Variants in WNT9A observed in about 807,000 individuals in gnomAD.
WNT9A encodes the protein protein Wnt-9a.
In WNT9A, 8 loss-of-function variants were observed where a neutral mutation model predicts 31.4. The ratio of observed to expected loss-of-function variants is 0.26; its 90% CI spans 0.15 to 0.46. The LOEUF (loss-of-function observed/expected upper bound fraction) is 0.46. Among genes scored for constraint, WNT9A ranks in the 20% least tolerant of loss-of-function variants. The pLI is 0.99. For synonymous variants in WNT9A, 236 were observed against 220.1 expected (o/e 1.07, Z -0.64); for missense variants, 457 against 522.9 (o/e 0.87, Z 1.23).
At chr1:227,944,840 C>T (rs566312122) in intron 1 of WNT9A, among the ~76,000 whole-genome samples, 4 of 152,332 alleles carry the variant, frequency 2.6e-5, no homozygotes, top group African/African-American at 7.2e-5. Context: ...AGGGCCACCA[C>T]CACAAAACAG....
chr1:227,943,502 T>C (rs1572136797), intron 1 of WNT9A, among the ~76,000 whole-genome samples: 2 of 152,362 alleles, frequency 1.3e-5, no homozygotes, highest in East Asian at 1.9e-4. Context: ...TCAGCGCCAC[T>C]GGCCACCTGA....
intron 1 of WNT9A, among the ~76,000 whole-genome samples, chr1:227,940,702 A>C (rs952983894): frequency 1.3e-5 from 2 of 152,222 alleles, no homozygotes; most frequent in Admixed American, 6.5e-5. Context: ...GCTAAAAAAA[A>C]CAAATGCAGC....
At chr1:227,941,637 G>C (rs955277056) in intron 1 of WNT9A, 1 of 153,676 alleles carries the variant, frequency 6.5e-6, no homozygotes, top group Non-Finnish European at 1.5e-5. Context: ...CAGGGGAGAT[G>C]GCACCACTGT....
At position 227,923,602 on chromosome 1, in the gene WNT9A, C is replaced by T. The variant is rs537030159; in HGVS notation, c.615+536G>A. 3.3e-5 allele frequency among the ~76,000 whole-genome samples: 5 copies of T among 152,290 alleles called. No homozygotes were observed. The South Asian group carries it at 1.0e-3, about 32-fold the overall frequency. The stretch of plus-strand genomic sequence containing the variant: ...TTGGGATTCTGTCTCTCAGAACAGA[C>T]GCCTGGCCACGGAGAGGGCTGGTGG... On this transcript the variant is annotated intron_variant, in intron 3 of 3. Transcript: ENST00000272164.
intron 1 of WNT9A, among the ~76,000 whole-genome samples, chr1:227,937,996 TG>T (rs1666624366): frequency 6.6e-6 from 1 of 152,194 alleles, no homozygotes. Flanking sequence ...GGCTGTGCCC[TG>T]CCCTGGGGGC....
chr1:227,931,086 C>CCTTCCTTCCTTT (rs1459265566), intron 1 of WNT9A, among the ~76,000 whole-genome samples: 1 of 152,202 alleles, frequency 6.6e-6, no homozygotes, highest in East Asian at 1.9e-4. Flanking sequence ...TTCCTTCCTT[C>CCTTCCTTCCTTT]CTTCCTTCCT....
chr1:227,939,184 C>T (rs1439236607), intron 1 of WNT9A, among the ~76,000 whole-genome samples: 2 of 152,244 alleles, frequency 1.3e-5, no homozygotes, highest in East Asian at 1.9e-4. Context: ...CAGAACAGTT[C>T]CACGCTGCAG....
At chr1:227,930,180 C>T (rs549021911) in intron 1 of WNT9A, among the ~76,000 whole-genome samples, 3 of 152,186 alleles carry the variant, frequency 2.0e-5, no homozygotes, top group African/African-American at 4.8e-5. Flanking sequence ...CGGATCCACA[C>T]GCTCTGTGGC....
rs1572127506 is a variant in WNT9A, at chr1:227,928,322, T to C, written c.96-2803A>G. On this transcript the variant is annotated intron_variant, in intron 1 of 3. Coordinates refer to ENST00000272164, the MANE Select transcript of WNT9A (RefSeq NM_003395.4). This position sits in a 1 kb window ranked among gnomAD's most constrained non-coding sequence, Gnocchi z 4.5. ...CGCAGCTACGGGTGACTGACCCTGA[T>C]CCAAGGCCAGGCAGGGTGGGCAGGG... Among the ~76,000 whole-genome samples the C allele has an allele frequency of 7.6e-6, 1 of 131,244 alleles. No homozygotes were observed. The highest frequency in any genetic ancestry group is 2.8e-5 in the African/African-American group (1 of 35,606). 86.1% of individuals were successfully genotyped at this position (131,244 alleles called of 152,430 possible).
chr1:227,944,479 C>A (rs896498801), intron 1 of WNT9A, among the ~76,000 whole-genome samples: 1 of 152,182 alleles, frequency 6.6e-6, no homozygotes, highest in African/African-American at 2.4e-5. Flanking sequence ...CTCAAAATCA[C>A]GGGGCTGTAT....
chr1:227,934,169 G>A (rs1666553410), intron 1 of WNT9A, among the ~76,000 whole-genome samples: 1 of 152,146 alleles, frequency 6.6e-6, no homozygotes. Context: ...ATGTGTTTGT[G>A]TGGACATATG....
intron 1 of WNT9A, among the ~76,000 whole-genome samples, chr1:227,933,186 A>G (rs528197541): frequency 6.6e-6 from 1 of 152,318 alleles, no homozygotes; most frequent in South Asian, 2.1e-4. Context: ...GATCTGCTGG[A>G]GAGCTTGCTG....
At position 227,945,024 on chromosome 1, in the gene WNT9A, C is replaced by T. The variant is rs542042760; in HGVS notation, c.95+2769G>A. On this transcript the variant is annotated intron_variant, in intron 1 of 3. Coordinates refer to ENST00000272164, the MANE Select transcript of WNT9A (RefSeq NM_003395.4). ...ACAGCCCCCAGACCCAGGCCCAGCC[C>T]TGACTCCACATCCAGAGGGTCTGGG... Among the ~76,000 whole-genome samples, 34 of 152,360 alleles carry T rather than the reference C, an allele frequency of 2.2e-4. No individual in the cohort carries two copies. In the South Asian group the frequency reaches 6.8e-3, roughly 31 times the overall value.
chr1:227,928,143 G>A lies in WNT9A; in HGVS notation c.96-2624C>T, dbSNP rs890009875. The stretch of plus-strand genomic sequence containing the variant: ...ACGCCGGGGCACTGAGAGCTGGTTT[G>A]ACGGTGACTAGCTGAGTCCTCCAGC... On this transcript the variant is annotated intron_variant, in intron 1 of 3. Coordinates refer to ENST00000272164, the MANE Select transcript of WNT9A (RefSeq NM_003395.4). This position sits in a 1 kb window ranked among gnomAD's most constrained non-coding sequence, Gnocchi z 4.5. Among the ~76,000 whole-genome samples, 1 of 152,128 alleles carries A rather than the reference G, an allele frequency of 6.6e-6. No individual in the cohort carries two copies.
chr1:227,946,168 T>G (rs1411471326), intron 1 of WNT9A, among the ~76,000 whole-genome samples: 2 of 152,246 alleles, frequency 1.3e-5, no homozygotes, highest in African/African-American at 4.8e-5. Flanking sequence ...GGCACCAGCC[T>G]GGACTTACTG....
rs1484851866 is a variant in WNT9A, at chr1:227,925,815, T to C, written c.96-296A>G. ...GCTGACTCTGGCTGCACTGGACAGATAAGACCCCCACAACACACACAACAT... is the reference window on the plus strand; with the variant it reads ...GCTGACTCTGGCTGCACTGGACAGACAAGACCCCCACAACACACACAACAT... On this transcript the variant is annotated intron_variant, in intron 1 of 3. Transcript: ENST00000272164. This position sits in a 1 kb window ranked among gnomAD's most constrained non-coding sequence, Gnocchi z 6.0. Among the ~76,000 whole-genome samples, 3 of 151,960 alleles carry C rather than the reference T, an allele frequency of 2.0e-5. No individual in the cohort carries two copies. Among genetic ancestry groups the C allele is most frequent in the South Asian group, 4.1e-4 (2 of 4,822 alleles).
At chr1:227,940,001 C>T (rs780622962) in intron 1 of WNT9A, among the ~76,000 whole-genome samples, 3 of 152,324 alleles carry the variant, frequency 2.0e-5, no homozygotes, top group East Asian at 3.9e-4. Flanking sequence ...AAGGATGGCA[C>T]GGGTGGCCTG....
chr1:227,941,126 C>A (rs1459508454), intron 1 of WNT9A, among the ~76,000 whole-genome samples: 1 of 152,232 alleles, frequency 6.6e-6, no homozygotes, highest in African/African-American at 2.4e-5. Context: ...CTACGTCTGG[C>A]CACAAGTGTA....
Position 227,930,999 on chromosome 1 carries a change from CA to C in WNT9A, c.96-5481del, listed in dbSNP as rs34833730. On this transcript the variant is annotated intron_variant, in intron 1 of 3. Coordinates refer to ENST00000272164, the MANE Select transcript of WNT9A (RefSeq NM_003395.4). ...GGGTGACAAGGGTGAGACTCCGTCT[CA>C]AAAAAAAAAAAAATGAATATTGAAT... Among the ~76,000 whole-genome samples the C allele has an allele frequency of 1.5e-3, 213 of 142,466 alleles. 1 individual carries two copies. The highest frequency in any genetic ancestry group is 3.1e-3 in the African/African-American group (121 of 39,086). The allele number at this position is 142,466 out of a possible 152,430, so 93.5% of individuals were successfully genotyped here.
Sources: allele counts gnomAD v4.1 joint callset (sites outside exome capture counted in the v4.1 genomes callset), GRCh38; gene constraint gnomAD v4.1.1; non-coding constraint Gnocchi (gnomAD v3.1); transcripts MANE v1.5; gene names NCBI Gene and HGNC (gene_info 2026-07-23, HGNC 2026-07-21).